Variants in ABTB3 observed in about 807,000 individuals in gnomAD.
ABTB3 encodes the protein ankyrin repeat- and BTB/POZ domain-containing protein 3.
the ABTB3 span, among the ~76,000 whole-genome samples, chr12:107,443,681 G>A: frequency 1.3e-4 from 20 of 152,262 alleles, no homozygotes; most frequent in African/African-American, 3.6e-4. Context: ...CTCTCTGAGC[G>A]TCGTGTTGGG....
At chr12:107,360,891 C>G in the ABTB3 span, among the ~76,000 whole-genome samples, 70 of 150,238 alleles carry the variant, frequency 4.7e-4, no homozygotes, top group Middle Eastern at 3.5e-3. Context: ...GTAGCTGGGA[C>G]TATAGACATG....
the ABTB3 span, among the ~76,000 whole-genome samples, chr12:107,638,773 A>G: frequency 2.0e-5 from 3 of 152,212 alleles, no homozygotes; most frequent in Non-Finnish European, 4.4e-5. Context: ...ATGGAGTATA[A>G]TGGGTATTAC....
chr12:107,399,323 G>A, the ABTB3 span, among the ~76,000 whole-genome samples: 1 of 152,140 alleles, frequency 6.6e-6, no homozygotes, highest in African/African-American at 2.4e-5. Flanking sequence ...CGTGAACAAA[G>A]GATGTCAGGG....
chr12:107,382,638 T>C, the ABTB3 span, among the ~76,000 whole-genome samples: 1 of 152,068 alleles, frequency 6.6e-6, no homozygotes, highest in South Asian at 2.1e-4. Flanking sequence ...GAAACCATCA[T>C]CCTCAGCAAA....
chr12:107,514,754 A>T, the ABTB3 span, among the ~76,000 whole-genome samples: 50 of 152,318 alleles, frequency 3.3e-4, no homozygotes, highest in African/African-American at 1.0e-3. Flanking sequence ...TGTGTAATAG[A>T]TCAATTATAG....
the ABTB3 span, among the ~76,000 whole-genome samples, chr12:107,603,310 T>C: frequency 1.3e-5 from 2 of 152,238 alleles, no homozygotes; most frequent in African/African-American, 4.8e-5. Flanking sequence ...TAGATTTTTA[T>C]GGAAAATGTT....
the ABTB3 span, among the ~76,000 whole-genome samples, chr12:107,522,239 A>G: frequency 6.6e-6 from 1 of 152,278 alleles, no homozygotes; most frequent in East Asian, 1.9e-4. Flanking sequence ...TTGAGGGGGC[A>G]GGGCTTCAAC....
chr12:107,543,817 A>C, the ABTB3 span: 2 of 905,108 alleles, frequency 2.2e-6, no homozygotes, highest in Non-Finnish European at 3.3e-6. Context: ...GGTCCCATTG[A>C]ACCACTTTAT....
chr12:107,409,813 T>A, the ABTB3 span, among the ~76,000 whole-genome samples: 2 of 152,198 alleles, frequency 1.3e-5, no homozygotes, highest in Non-Finnish European at 2.9e-5. Flanking sequence ...TGTTTACCTA[T>A]GTAACAAACC....
chr12:107,548,860 A>G, the ABTB3 span, among the ~76,000 whole-genome samples: 1 of 152,198 alleles, frequency 6.6e-6, no homozygotes, highest in Non-Finnish European at 1.5e-5. Context: ...GTCTTTGGCC[A>G]TGGATGATTT....
At chr12:107,449,213 T>C in the ABTB3 span, among the ~76,000 whole-genome samples, 1 of 152,142 alleles carries the variant, frequency 6.6e-6, no homozygotes, top group Non-Finnish European at 1.5e-5. Flanking sequence ...CCAGGTAACA[T>C]CAGAAGGTGC....
the ABTB3 span, among the ~76,000 whole-genome samples, chr12:107,427,480 A>G: frequency 6.6e-6 from 1 of 152,022 alleles, no homozygotes; most frequent in Non-Finnish European, 1.5e-5. Flanking sequence ...GGGTCTTGCT[A>G]TTCTGAAGCG....
the ABTB3 span, among the ~76,000 whole-genome samples, chr12:107,467,120 C>T: frequency 1.3e-5 from 2 of 152,096 alleles, no homozygotes; most frequent in African/African-American, 4.8e-5. Flanking sequence ...CCTCAATAAA[C>T]GGGAGCTGTC....
chr12:107,395,142 G>A, the ABTB3 span, among the ~76,000 whole-genome samples: 5 of 152,312 alleles, frequency 3.3e-5, no homozygotes, highest in South Asian at 2.1e-4. Flanking sequence ...ACCCACCTGC[G>A]TGTATACTGA....
chr12:107,620,019 C>G, the ABTB3 span: 1 of 1,613,986 alleles, frequency 6.2e-7, no homozygotes. Context: ...TGGCTGGAGT[C>G]TTTGCGGATC....
the ABTB3 span, chr12:107,544,269 G>A: frequency 1.0e-6 from 1 of 976,048 alleles, no homozygotes; most frequent in Non-Finnish European, 1.5e-6. Flanking sequence ...TGGTCCCGGT[G>A]GGAACCTTGC....
the ABTB3 span, among the ~76,000 whole-genome samples, chr12:107,623,034 T>C: frequency 6.6e-6 from 1 of 152,086 alleles, no homozygotes; most frequent in South Asian, 2.1e-4. Flanking sequence ...AATACATCTG[T>C]TTAAAAAGAC....
the ABTB3 span, among the ~76,000 whole-genome samples, chr12:107,624,413 A>G: frequency 6.6e-6 from 1 of 152,158 alleles, no homozygotes; most frequent in Non-Finnish European, 1.5e-5. Context: ...CACAACCAAC[A>G]TAGTGACATG....
the ABTB3 span, among the ~76,000 whole-genome samples, chr12:107,339,371 C>T: frequency 5.9e-5 from 9 of 152,292 alleles, no homozygotes; most frequent in African/African-American, 1.2e-4. Flanking sequence ...GAGGACTGCC[C>T]GGTGAGAGAC....
Sources: allele counts gnomAD v4.1 joint callset (sites outside exome capture counted in the v4.1 genomes callset), GRCh38; gene constraint gnomAD v4.1.1; transcripts MANE v1.5; gene names NCBI Gene and HGNC (gene_info 2026-07-23, HGNC 2026-07-21).